Variants in CCDC102B observed in about 807,000 individuals in gnomAD.
The protein encoded by CCDC102B is coiled-coil domain-containing protein 102B.
Under a neutral mutation model 57.4 loss-of-function variants are expected in CCDC102B, and 75 were observed. The ratio of observed to expected loss-of-function variants is 1.31; its 90% CI spans 1.08 to 1.58. CCDC102B has a LOEUF of 1.58. Among genes scored for constraint, CCDC102B ranks in the 40% most tolerant of loss-of-function variants. The pLI, the probability that CCDC102B is intolerant of heterozygous loss-of-function variation, is 0.00. For synonymous variants in CCDC102B, 206 were observed against 201.9 expected (o/e 1.02, Z -0.17); for missense variants, 636 against 582.6 (o/e 1.09, Z -0.94).
intron 6 of CCDC102B, among the ~76,000 whole-genome samples, chr18:68,947,689 A>T (rs1021142611): frequency 6.6e-6 from 1 of 152,034 alleles, no homozygotes; most frequent in Admixed American, 6.6e-5. Context: ...AGCATATTTT[A>T]TTTTTATTCT....
intron 6 of CCDC102B, among the ~76,000 whole-genome samples, chr18:68,959,411 T>C (rs1369700059): frequency 2.0e-5 from 3 of 152,134 alleles, no homozygotes; most frequent in African/African-American, 7.2e-5. Context: ...AACACAAGCA[T>C]CTTTGAGGCC....
At chr18:69,003,103 T>A (rs1035766978) in intron 6 of CCDC102B, among the ~76,000 whole-genome samples, 12 of 152,036 alleles carry the variant, frequency 7.9e-5, no homozygotes, top group Non-Finnish European at 1.3e-4. Context: ...CTCAAAATAT[T>A]TTTTTTCCCA....
intron 2 of CCDC102B, among the ~76,000 whole-genome samples, chr18:68,730,191 T>A (rs937658679): frequency 3.3e-5 from 5 of 152,166 alleles, no homozygotes; most frequent in Non-Finnish European, 7.4e-5. Flanking sequence ...TTTATCTAAA[T>A]GAATTCCATT....
chr18:68,744,431 A>T (rs1337236388), intron 2 of CCDC102B, among the ~76,000 whole-genome samples: 1 of 152,164 alleles, frequency 6.6e-6, no homozygotes. Flanking sequence ...GGGCCCTTTC[A>T]GTGACTAGCT....
At chr18:68,945,177 A>G (rs1429185713) in intron 6 of CCDC102B, among the ~76,000 whole-genome samples, 1 of 148,098 alleles carries the variant, frequency 6.8e-6, no homozygotes, top group Non-Finnish European at 1.5e-5. Context: ...CACAGGTACA[A>G]GTACTTATTT....
chr18:69,057,010 C>G (rs1201974448), downstream of CCDC102B, among the ~76,000 whole-genome samples: 1 of 151,954 alleles, frequency 6.6e-6, no homozygotes, highest in East Asian at 1.9e-4. Context: ...CTTATTTCAC[C>G]TGGCATAATG....
chr18:68,914,471 C>T (rs779230369), intron 6 of CCDC102B, among the ~76,000 whole-genome samples: 10 of 152,178 alleles, frequency 6.6e-5, no homozygotes, highest in East Asian at 1.9e-4. Flanking sequence ...TACATATTAT[C>T]GTAAAATAAA....
intron 6 of CCDC102B, among the ~76,000 whole-genome samples, chr18:68,999,850 A>G (rs1335335549): frequency 1.3e-5 from 2 of 152,064 alleles, no homozygotes; most frequent in Non-Finnish European, 2.9e-5. Context: ...CATTTTTTTC[A>G]TACTTATCAC....
At chr18:68,813,427 G>A (rs2036348819) in intron 1 of CCDC102B, among the ~76,000 whole-genome samples, 1 of 152,032 alleles carries the variant, frequency 6.6e-6, no homozygotes, top group Non-Finnish European at 1.5e-5. Context: ...GGAGAGGAGA[G>A]AAGGGTAGAG....
At chr18:68,778,650 G>A (rs777391931) in intron 2 of CCDC102B, among the ~76,000 whole-genome samples, 20 of 151,892 alleles carry the variant, frequency 1.3e-4, no homozygotes, top group Admixed American at 3.3e-4. Flanking sequence ...CCCAAATCCC[G>A]CATGCATAAC....
intron 1 of CCDC102B, among the ~76,000 whole-genome samples, chr18:68,813,944 C>T (rs868145571): frequency 4.6e-5 from 7 of 151,726 alleles, no homozygotes; most frequent in Non-Finnish European, 8.8e-5. Flanking sequence ...TTAAAATGAG[C>T]AAGACTTTAC....
Position 69,054,363 on chromosome 18 carries a change from CTAAGA to C in CCDC102B, c.*228_*232del. ...ATGTCATTTAAAAACAACTTTAATT[CTAAGA>C]TGTGTAAATATTTTGAAAGTCAAAA... On this transcript the variant is annotated 3_prime_UTR_variant, in exon 8 of 8. Transcript: ENST00000360242. 8.6e-7 allele frequency: 1 copy of C among 1,168,470 alleles called. No homozygotes were observed. Among genetic ancestry groups the C allele is most frequent in the Non-Finnish European group, 1.1e-6 (1 of 946,866 alleles). The allele number at this position is 1,168,470 out of a possible 1,614,324, so 72.4% of individuals were successfully genotyped here. A position where few individuals can be genotyped will look rare whatever the true frequency, so the allele number is the denominator to read the frequency against.
chr18:68,791,749 T>A (rs2035470300), intron 2 of CCDC102B, among the ~76,000 whole-genome samples: 1 of 152,014 alleles, frequency 6.6e-6, no homozygotes, highest in African/African-American at 2.4e-5. Context: ...TATATTCATA[T>A]ATATATTTAT....
chr18:68,883,685 G>C (rs1367493816), intron 5 of CCDC102B, among the ~76,000 whole-genome samples: 1 of 152,150 alleles, frequency 6.6e-6, no homozygotes, highest in East Asian at 1.9e-4. Flanking sequence ...TCAACAGGGG[G>C]ATTTAATGAC....
intron 5 of CCDC102B, among the ~76,000 whole-genome samples, chr18:68,876,294 G>C (rs1375265291): frequency 6.6e-6 from 1 of 152,158 alleles, no homozygotes; most frequent in Non-Finnish European, 1.5e-5. Context: ...TGCCTTCAGA[G>C]AACAGCCTTC....
chr18:68,907,706 T>G (rs540426795), intron 6 of CCDC102B, among the ~76,000 whole-genome samples: 2 of 152,168 alleles, frequency 1.3e-5, no homozygotes, highest in African/African-American at 2.4e-5. Context: ...TTTGTTGGAG[T>G]TTTCTATGTA....
In CCDC102B at chr18:68,838,790, G is replaced by C. The variant is rs2144792691; in HGVS notation, c.691G>C (p.Gly231Arg). Residue 231 changes from glycine (G) to arginine (R), a missense_variant, in exon 3 of 8, where the codon GGT becomes CGT. Gly to Arg is a moderately radical substitution (Grantham distance 125, BLOSUM62 -2). Transcript: ENST00000360242. ...LDGVDLFNNG[G>R]SGNGETKTGL... ...TGGTGTTGATTTATTCAACAATGGT[G>C]GTTCTGGAAACGGTGAAACGAAAAC... The C allele has an allele frequency of 6.2e-7, 1 of 1,614,012 alleles. No homozygotes were observed. The highest frequency in any genetic ancestry group is 2.2e-5 in the East Asian group (1 of 44,844).
intron 4 of CCDC102B, chr18:68,866,633 G>A (rs2038993647): frequency 3.0e-6 from 1 of 330,250 alleles, no homozygotes; most frequent in South Asian, 3.1e-5. Flanking sequence ...AAGAGATGGA[G>A]TGGTTCTGGA....
rs147428759 is a variant in CCDC102B, at chr18:68,775,015, T to C, written c.-66-48351T>C. The stretch of plus-strand genomic sequence containing the variant: ...TATGTACACATAATCATGTGTTGCC[T>C]TTCTTCTTTTCTGTTTTTTTTTTGT... On this transcript the variant is annotated intron_variant, in intron 2 of 3. Transcript: ENST00000578970. 4.4e-3 allele frequency among the ~76,000 whole-genome samples: 671 copies of C among 151,200 alleles called. 4 individuals carry two copies. Among genetic ancestry groups the C allele is most frequent in the Non-Finnish European group, 6.9e-3 (470 of 67,704 alleles).
Sources: allele counts gnomAD v4.1 joint callset (sites outside exome capture counted in the v4.1 genomes callset), GRCh38; gene constraint gnomAD v4.1.1; transcripts MANE v1.5; gene names NCBI Gene and HGNC (gene_info 2026-07-23, HGNC 2026-07-21).